The following CUX1 variants were observed in gnomAD, a reference collection of about 807,000 sequenced individuals.
CUX1 encodes cut like homeobox 1, also known as protein CASP.
A neutral mutation model predicts 158.8 loss-of-function variants in CUX1; 31 were observed. That is an observed-to-expected ratio of 0.20 (90% confidence interval 0.15 to 0.26). The LOEUF (loss-of-function observed/expected upper bound fraction) is 0.26, where lower values mean the gene tolerates loss of function less well. Among genes scored for constraint, CUX1 ranks in the 10% least tolerant of loss-of-function variants. The probability of loss-of-function intolerance (pLI) is 1.00; values close to 1 mark genes in which losing one functional copy is unlikely to be tolerated. For synonymous variants in CUX1, 879 were observed against 862.1 expected (o/e 1.02, Z -0.34); for missense variants, 1,589 against 2,014.6 (o/e 0.79, Z 4.04).
chr7:101,912,590 G>A (rs1482095381), intron 1 of CUX1, among the ~76,000 whole-genome samples: 1 of 152,134 alleles, frequency 6.6e-6, no homozygotes, highest in African/African-American at 2.4e-5. Context: ...TCTCCCCACC[G>A]GCCCCTCTGG....
chr7:102,277,585 A>G (rs1791697098), intron 17 of CUX1, among the ~76,000 whole-genome samples: 1 of 152,118 alleles, frequency 6.6e-6, no homozygotes, highest in Non-Finnish European at 1.5e-5. Flanking sequence ...GGGCAACAAG[A>G]GCGAAACTCC....
intron 1 of CUX1, among the ~76,000 whole-genome samples, chr7:101,846,501 TTATTTTTTG>T (rs1465229814): frequency 3.9e-5 from 6 of 152,034 alleles, no homozygotes; most frequent in Non-Finnish European, 8.8e-5. Context: ...CCAGCTGATT[TTATTTTTTG>T]TATTTTTTGT....
intron 3 of CUX1, among the ~76,000 whole-genome samples, chr7:102,032,386 A>AC (rs1317496791): frequency 1.3e-5 from 2 of 150,636 alleles, no homozygotes; most frequent in African/African-American, 4.9e-5. Context: ...ATATAGTGAG[A>AC]CCCCGTCTCA....
chr7:101,893,557 C>G lies in CUX1; in HGVS notation c.31-22558C>G, dbSNP rs561296568. 2.0e-5 allele frequency among the ~76,000 whole-genome samples: 3 copies of G among 152,180 alleles called. No homozygotes were observed. In the South Asian group the frequency reaches 6.2e-4, roughly 32 times the overall value. The stretch of plus-strand genomic sequence containing the variant: ...GAGCGTTCTTTCATCATTTGAGCAG[C>G]CAAGCATCCCTTTTGGGCCAAGTTT... On this transcript the variant is annotated intron_variant, in intron 1 of 23. Coordinates refer to ENST00000292535, the MANE Select transcript of CUX1 (RefSeq NM_181552.4).
Position 102,115,066 on chromosome 7 carries a change from T to C in CUX1, c.608-141T>C, listed in dbSNP as rs192448271. The C allele has an allele frequency of 5.2e-4, 364 of 701,468 alleles. 1 individual carries two copies. The African/African-American group carries it at 5.7e-3, about 11-fold the overall frequency. 43.5% of individuals were successfully genotyped at this position (701,468 alleles called of 1,614,324 possible). A position where few individuals can be genotyped will look rare whatever the true frequency, so the allele number is the denominator to read the frequency against. ...TTGTATTTTCATCATCTTGGCCTCT[T>C]TTGTGTGTTTTTAATCTTTATTTTT... On this transcript the variant is annotated intron_variant, in intron 7 of 23. Transcript: ENST00000292535.
chr7:102,065,101 A>G (rs75648817), intron 3 of CUX1, among the ~76,000 whole-genome samples: 3 of 151,934 alleles, frequency 2.0e-5, no homozygotes, highest in Admixed American at 1.3e-4. Flanking sequence ...TTTTTTTTTA[A>G]GACAGGGTCT....
rs2906651 is a variant in CUX1, at chr7:101,939,471, G to A, written c.141+23246G>A. Among the ~76,000 whole-genome samples the A allele has an allele frequency of 6.5e-3, 995 of 152,146 alleles. 10 individuals carry two copies. Among genetic ancestry groups the A allele is most frequent in the African/African-American group, 0.022 (912 of 41,500 alleles). On this transcript the variant is annotated intron_variant, in intron 2 of 23. Transcript: ENST00000292535. ...AAGCACAGCCCCACACCTAACCCTC[G>A]TCTGAACGATCTTGTACAGCCACTC...
intron 4 of CUX1, among the ~76,000 whole-genome samples, chr7:102,094,399 G>T (rs1398650533): frequency 3.3e-5 from 5 of 152,210 alleles, no homozygotes; most frequent in African/African-American, 4.8e-5. Flanking sequence ...CATGATGAAT[G>T]ATTATGAGAT....
intron 22 of CUX1, among the ~76,000 whole-genome samples, chr7:102,236,896 G>T (rs1402577369): frequency 3.9e-5 from 6 of 152,168 alleles, no homozygotes; most frequent in Admixed American, 6.5e-5. Context: ...ATGAATTACT[G>T]TTTCTGCGGG....
intron 2 of CUX1, among the ~76,000 whole-genome samples, chr7:102,017,517 C>T (rs945837506): frequency 1.3e-5 from 2 of 152,102 alleles, no homozygotes; most frequent in South Asian, 2.1e-4. Flanking sequence ...ATTCACTGCT[C>T]GTAGTTAATG....
chr7:102,277,598 A>G (rs1041752399), intron 17 of CUX1, among the ~76,000 whole-genome samples: 1 of 151,960 alleles, frequency 6.6e-6, no homozygotes, highest in Admixed American at 6.6e-5. Flanking sequence ...GAAACTCCAT[A>G]TCAAAAAAAT....
chr7:101,888,994 A>G (rs1479481484), intron 1 of CUX1, among the ~76,000 whole-genome samples: 2 of 151,446 alleles, frequency 1.3e-5, no homozygotes, highest in Non-Finnish European at 2.9e-5. Flanking sequence ...GGCCAGGTGC[A>G]GTGACTCATG....
chr7:102,174,620 G>C (rs1376957962), intron 10 of CUX1, among the ~76,000 whole-genome samples: 1 of 152,174 alleles, frequency 6.6e-6, no homozygotes, highest in African/African-American at 2.4e-5. Flanking sequence ...AGTGCCCACT[G>C]TGTTGAGATG....
chr7:101,837,316 A>C (rs1223817249), intron 1 of CUX1, among the ~76,000 whole-genome samples: 1 of 152,256 alleles, frequency 6.6e-6, no homozygotes, highest in Non-Finnish European at 1.5e-5. Flanking sequence ...AAGTATAATT[A>C]GAAGCTGGCG....
intron 8 of CUX1, among the ~76,000 whole-genome samples, chr7:102,126,710 C>A (rs191424146): frequency 6.6e-6 from 1 of 152,222 alleles, no homozygotes; most frequent in East Asian, 1.9e-4. Flanking sequence ...GCAACAGGGA[C>A]CAGTTTTGTG....
chr7:101,916,279 A>G lies in CUX1; in HGVS notation c.141+54A>G, dbSNP rs772535318. 4 of 1,144,094 alleles carry G rather than the reference A, an allele frequency of 3.5e-6. No individual in the cohort carries two copies. Among genetic ancestry groups the G allele is most frequent in the Non-Finnish European group, 5.3e-6 (4 of 753,328 alleles). The allele number at this position is 1,144,094 out of a possible 1,614,324, so 70.9% of individuals were successfully genotyped here. A position where few individuals can be genotyped will look rare whatever the true frequency, so the allele number is the denominator to read the frequency against. On this transcript the variant is annotated intron_variant, in intron 2 of 23. Transcript: ENST00000292535. The surrounding 1 kb of genome is among the most constrained non-coding windows in gnomAD (Gnocchi z 4.4). ...TGAAGGGATCTTAGAATGCTGGTGC[A>G]TGTTCAGGCGACGCTCCGTGAGCGT...
At chr7:102,225,908 C>G (rs1470886741) in intron 20 of CUX1, among the ~76,000 whole-genome samples, 2 of 152,248 alleles carry the variant, frequency 1.3e-5, no homozygotes, top group East Asian at 1.9e-4. Flanking sequence ...TACTCTGTGT[C>G]ACCCTCAGTG....
At chr7:102,050,414 A>G (rs1255185057) in intron 3 of CUX1, among the ~76,000 whole-genome samples, 1 of 151,996 alleles carries the variant, frequency 6.6e-6, no homozygotes, top group Non-Finnish European at 1.5e-5. Context: ...CTTTCCCTGT[A>G]TCTCTGTCCC....
At chr7:102,000,741 A>G (rs921501994) in intron 2 of CUX1, among the ~76,000 whole-genome samples, 14 of 152,054 alleles carry the variant, frequency 9.2e-5, no homozygotes, top group African/African-American at 3.1e-4. Context: ...TTGGGTGAGT[A>G]TTAGTATTTA....
Sources: gnomAD v4.1 joint callset for allele counts (sites outside exome capture counted in the v4.1 genomes callset) on GRCh38, gnomAD v4.1.1 for gene constraint, Gnocchi (gnomAD v3.1) non-coding constraint, MANE v1.5 for transcripts, NCBI Gene and HGNC (gene_info 2026-07-23, HGNC 2026-07-21) for gene names.